KCNJ1: variants seen among roughly 807,000 people sequenced by gnomAD.
KCNJ1 encodes the protein potassium inwardly rectifying channel subfamily J member 1.
KCNJ1 carries 24 observed loss-of-function variants against 21.9 expected under a neutral mutation model. That is an observed-to-expected ratio of 1.10 (90% CI 0.79 to 1.54). The LOEUF (loss-of-function observed/expected upper bound fraction) is 1.54. Among genes scored for constraint, KCNJ1 ranks in the 40% most tolerant of loss-of-function variants. KCNJ1 has a pLI of 0.00. For synonymous variants in KCNJ1, 152 were observed against 160.9 expected, an observed-to-expected ratio of 0.94 and a Z score of 0.42; for missense variants, 457 against 455.4, an observed-to-expected ratio of 1.00 and a Z score of -0.03.
chr11:128,842,320 T>C, intron 2 of KCNJ1: 1 of 1,569,248 alleles, frequency 6.4e-7, no homozygotes, highest in East Asian at 2.2e-5. Flanking sequence ...CATGACTGCA[T>C]TAATGATGAA....
intron 1 of KCNJ1, among the ~76,000 whole-genome samples, chr11:128,852,437 T>A (rs1278093881): frequency 6.6e-6 from 1 of 152,190 alleles, no homozygotes; most frequent in Non-Finnish European, 1.5e-5. Flanking sequence ...CCCACGGGTA[T>A]CATTGACCCT....
intron 1 of KCNJ1, among the ~76,000 whole-genome samples, chr11:128,852,698 T>G (rs1216180685): frequency 2.0e-5 from 3 of 152,236 alleles, no homozygotes; most frequent in Admixed American, 6.5e-5. Flanking sequence ...CCCATCCTCA[T>G]TACCGGGCAC....
In KCNJ1 at chr11:128,855,900, A is replaced by G. The variant is rs535934752; in HGVS notation, c.-191-5010T>C. Among the ~76,000 whole-genome samples, 4 of 152,348 alleles carry G rather than the reference A, an allele frequency of 2.6e-5. No homozygotes were observed. In the East Asian group the frequency reaches 7.7e-4, roughly 29 times the overall value. The stretch of plus-strand genomic sequence containing the variant: ...CTCCCAGGTCTGGATTTGGGCAGGC[A>G]GCTCTCACCTGCCAGACCCAAGGAC... On this transcript the variant is annotated intron_variant, in intron 1 of 2. Coordinates refer to ENST00000392666, the MANE Select transcript of KCNJ1 (RefSeq NM_153766.3).
At position 128,856,585 on chromosome 11, in the gene KCNJ1, C is replaced by T. The variant is rs115639296; in HGVS notation, c.-191-5695G>A. On this transcript the variant is annotated intron_variant, in intron 1 of 2. Transcript: ENST00000392666. ...GAAATTCCTACTCTAAAAAAATGTC[C>T]TAGCACCATCTTCTTTTCCTTCTTA... Among the ~76,000 whole-genome samples, 293 of 152,350 alleles carry T rather than the reference C, an allele frequency of 1.9e-3. 1 individual carries two copies. The highest frequency in any genetic ancestry group is 6.7e-3 in the Admixed American group (102 of 15,314).
intron 2 of KCNJ1, among the ~76,000 whole-genome samples, chr11:128,848,287 CAAAA>C (rs1002326097): frequency 1.8e-4 from 9 of 48,892 alleles, no homozygotes; most frequent in Non-Finnish European, 3.4e-4. Context: ...GACTCCGTCT[CAAAA>C]AAAAAAAAAA....
At position 128,839,218 on chromosome 11, in the gene KCNJ1, A is replaced by C. The variant is rs749844126; in HGVS notation, c.1026T>G (p.Asn342Lys). The C allele has an allele frequency of 7.4e-6, 12 of 1,614,094 alleles. No homozygotes were observed. The highest frequency in any genetic ancestry group is 1.3e-5 in the African/African-American group (1 of 75,002). The change falls in exon 3 of 3, where the codon AAT becomes AAG. Residue 342 changes from asparagine (N) to lysine (K), a missense_variant. Physicochemically the swap from Asn to Lys is moderately conservative, Grantham distance 94. Transcript: ENST00000392666. ...TCATCCTGGCTCTAACATCTTTCTC[A>C]TTATAAAGGCACATGGCACAGTGAG... ...ETPHCAMCLY[N>K]EKDVRARMKR...
intron 1 of KCNJ1, among the ~76,000 whole-genome samples, chr11:128,856,500 G>A (rs987136721): frequency 6.6e-6 from 1 of 152,218 alleles, no homozygotes; most frequent in African/African-American, 2.4e-5. Flanking sequence ...AGCAGGGGAG[G>A]GGCAGCTCCA....
At chr11:128,841,467 C>T (rs911328279) in intron 2 of KCNJ1, among the ~76,000 whole-genome samples, 3 of 152,182 alleles carry the variant, frequency 2.0e-5, no homozygotes, top group African/African-American at 7.2e-5. Context: ...CCCATAAACA[C>T]CTGACAGTGG....
intron 2 of KCNJ1, among the ~76,000 whole-genome samples, chr11:128,844,900 A>G (rs969102093): frequency 1.3e-5 from 2 of 152,180 alleles, no homozygotes; most frequent in African/African-American, 4.8e-5. Flanking sequence ...CTCATAGCTC[A>G]TGCACATCCT....
intron 2 of KCNJ1, among the ~76,000 whole-genome samples, chr11:128,845,340 C>T (rs1346643314): frequency 6.6e-6 from 1 of 152,120 alleles, no homozygotes; most frequent in Non-Finnish European, 1.5e-5. Context: ...TAAGGCAGTC[C>T]CAAAGAGGAG....
intron 1 of KCNJ1, 121 bp from the exon 2 acceptor site, chr11:128,851,011 G>T: frequency 2.8e-6 from 1 of 360,164 alleles, no homozygotes; most frequent in Non-Finnish European, 3.9e-6. Flanking sequence ...CATCAGCAAA[G>T]GTAGAAAGGT....
chr11:128,859,117 T>A (rs1439906041), intron 1 of KCNJ1, among the ~76,000 whole-genome samples: 1 of 152,194 alleles, frequency 6.6e-6, no homozygotes, highest in Non-Finnish European at 1.5e-5. Context: ...TACCAGCAAC[T>A]GTGGTAGGGG....
chr11:128,850,172 C>T (rs1016080128), intron 2 of KCNJ1, among the ~76,000 whole-genome samples: 4 of 152,128 alleles, frequency 2.6e-5, no homozygotes, highest in Admixed American at 1.3e-4. Context: ...GAGCTCTACT[C>T]TCCCCCACGC....
chr11:128,839,856 C>A lies in KCNJ1; in HGVS notation c.388G>T (p.Val130Leu). 24 of 1,614,200 alleles carry A rather than the reference C, an allele frequency of 1.5e-5. No homozygotes were observed. Among genetic ancestry groups the A allele is most frequent in the Non-Finnish European group, 2.0e-5 (24 of 1,180,022 alleles). The change falls in exon 3 of 3, where the codon GTG (valine) becomes TTG (leucine). Residue 130 changes from valine to leucine, a missense_variant. Val to Leu is a conservative substitution (Grantham distance 32). Coordinates refer to ENST00000392666, the MANE Select transcript of KCNJ1 (RefSeq NM_153766.3). ...QVTIGYGFRC[V>L]TEQCATAIFL... is the part of the protein sequence containing the mutation. ...ATGGCAGTGGCACACTGTTCTGTCA[C>A]ACACCTGAATCCATATCCAATGGTC...
chr11:128,855,133 TAA>T (rs1943563176), intron 1 of KCNJ1, among the ~76,000 whole-genome samples: 1 of 152,250 alleles, frequency 6.6e-6, no homozygotes, highest in African/African-American at 2.4e-5. Flanking sequence ...TAAGGAGCAG[TAA>T]AAACCCTGGA....
intron 1 of KCNJ1, among the ~76,000 whole-genome samples, chr11:128,856,652 A>G (rs1361632710): frequency 6.6e-6 from 1 of 152,202 alleles, no homozygotes; most frequent in African/African-American, 2.4e-5. Context: ...TGTTCAATTC[A>G]GATCATCCTC....
chr11:128,852,130 T>C (rs1943487715), intron 1 of KCNJ1, among the ~76,000 whole-genome samples: 1 of 152,226 alleles, frequency 6.6e-6, no homozygotes, highest in South Asian at 2.1e-4. Flanking sequence ...TGGGGGCTTT[T>C]ATATCTATCT....
chr11:128,844,605 G>A (rs1219516677), intron 2 of KCNJ1, among the ~76,000 whole-genome samples: 1 of 152,128 alleles, frequency 6.6e-6, no homozygotes, highest in East Asian at 1.9e-4. Context: ...CATTTTAAGG[G>A]AGGGACCAAC....
chr11:128,844,659 C>T (rs373748201), intron 2 of KCNJ1, among the ~76,000 whole-genome samples: 3 of 152,204 alleles, frequency 2.0e-5, no homozygotes, highest in African/African-American at 4.8e-5. Context: ...GGTGCAGAAG[C>T]TCTTCTTCCA....
Sources: allele counts gnomAD v4.1 joint callset (sites outside exome capture counted in the v4.1 genomes callset), GRCh38; gene constraint gnomAD v4.1.1; transcripts MANE v1.5; gene names NCBI Gene and HGNC (gene_info 2026-07-23, HGNC 2026-07-21).